The following SPDYA variants were observed in gnomAD, a reference collection of about 807,000 sequenced individuals.
SPDYA encodes the protein speedy protein A.
Under a neutral mutation model 36.7 loss-of-function variants are expected in SPDYA, and 11 were observed. The ratio of observed to expected loss-of-function variants is 0.30; its 90% CI spans 0.19 to 0.50. SPDYA has a LOEUF of 0.50. Among genes scored for constraint, SPDYA ranks in the 20% least tolerant of loss-of-function variants. The pLI, the probability that SPDYA is intolerant of heterozygous loss-of-function variation, is 0.98. For synonymous variants in SPDYA, 115 were observed against 118.7 expected (o/e 0.97, Z 0.20); for missense variants, 287 against 370.9 (o/e 0.77, Z 1.86).
At chr2:28,826,109 A>G (rs1668310258) in intron 5 of SPDYA, among the ~76,000 whole-genome samples, 1 of 151,464 alleles carries the variant, frequency 6.6e-6, no homozygotes, top group African/African-American at 2.4e-5. Context: ...GGGATTTGGT[A>G]ACCTTTCTGA....
chr2:28,849,879 A>C lies in SPDYA; in HGVS notation c.880A>C (p.Lys294Gln), dbSNP rs1049677681. The C allele has an allele frequency of 3.1e-6, 5 of 1,588,210 alleles. No homozygotes were observed. The highest frequency in any genetic ancestry group is 3.4e-6 in the Non-Finnish European group (4 of 1,171,082). ...CAATGACCATCAATCAAATAAAGGA[A>C]AGAAAACTAATTTCTTGAAGAAAGA... Reference protein sequence around the residue: ...VVNDHQSNKGKKTNFLKKDKS... With the variant: ...VVNDHQSNKGQKTNFLKKDKS... The change falls in exon 8 of 8, where the codon AAG (lysine) becomes CAG (glutamine). Residue 294 changes from lysine (K) to glutamine (Q), a missense_variant. Lys to Gln is a moderately conservative substitution (Grantham distance 53). Transcript: ENST00000334056.
At chr2:28,847,563 T>C (rs1032046348) in intron 7 of SPDYA, among the ~76,000 whole-genome samples, 2 of 151,886 alleles carry the variant, frequency 1.3e-5, no homozygotes, top group South Asian at 4.2e-4. Flanking sequence ...CTGGCTAACA[T>C]GGTGAAACCC....
intron 6 of SPDYA, among the ~76,000 whole-genome samples, chr2:28,837,107 G>C (rs2148100523): frequency 6.6e-6 from 1 of 152,308 alleles, no homozygotes; most frequent in Non-Finnish European, 1.5e-5. Context: ...AGTGTGTTTT[G>C]ACAGAATAAT....
At chr2:28,848,329 G>A (rs1402741336) in intron 7 of SPDYA, among the ~76,000 whole-genome samples, 4 of 152,046 alleles carry the variant, frequency 2.6e-5, no homozygotes, top group East Asian at 1.9e-4. Context: ...ATTCCTTCAC[G>A]GGCATATGAG....
At chr2:28,846,016 T>C (rs13382966) in intron 7 of SPDYA, among the ~76,000 whole-genome samples, 63,233 of 152,052 alleles carry the variant, frequency 0.42, 13,992 homozygotes, top group Middle Eastern at 0.51. Context: ...TCTGAAAATA[T>C]GAAGTTCAAA....
At chr2:28,833,049 C>T (rs896786592) in intron 6 of SPDYA, among the ~76,000 whole-genome samples, 9 of 152,120 alleles carry the variant, frequency 5.9e-5, no homozygotes, top group South Asian at 4.2e-4. Context: ...TTGCCCAGGC[C>T]GGTCTCAAAA....
intron 7 of SPDYA, among the ~76,000 whole-genome samples, chr2:28,843,980 T>C (rs1431316261): frequency 3.3e-5 from 5 of 151,972 alleles, no homozygotes; most frequent in Admixed American, 2.6e-4. Flanking sequence ...GAAAAAAAAA[T>C]ATGCCAAGCT....
intron 6 of SPDYA, among the ~76,000 whole-genome samples, chr2:28,832,838 C>T (rs923272558): frequency 3.6e-5 from 5 of 139,562 alleles, no homozygotes; most frequent in African/African-American, 1.1e-4. Flanking sequence ...CTCTCCCACC[C>T]CCACCTTTTT....
chr2:28,850,523 T>C lies in SPDYA; in HGVS notation c.*582T>C, dbSNP rs1669040236. On this transcript the variant is annotated 3_prime_UTR_variant, in exon 8 of 8. Coordinates refer to ENST00000334056, the MANE Select transcript of SPDYA (RefSeq NM_182756.4). ...TAAGTTTTTTCTTTATTTATTTCCT[T>C]GCATATGTTTTAGAGCTACTCTGCC... The C allele has an allele frequency of 1.5e-6, 1 of 676,420 alleles. No individual in the cohort carries two copies. The highest frequency in any genetic ancestry group is 2.5e-6 in the Non-Finnish European group (1 of 405,858). 41.9% of individuals were successfully genotyped at this position (676,420 alleles called of 1,614,324 possible).
chr2:28,811,700 T>C lies in SPDYA; in HGVS notation c.-93+753T>C, dbSNP rs899080675. On this transcript the variant is annotated intron_variant, in intron 1 of 7. Coordinates refer to ENST00000334056, the MANE Select transcript of SPDYA (RefSeq NM_182756.4). The surrounding 1 kb of genome is among the most constrained non-coding windows in gnomAD (Gnocchi z 4.2). ...AACCGGGCATGGTGGTGCGCACTTG[T>C]AATCCCAGCTACTTGGGAGGCTGAG... Among the ~76,000 whole-genome samples the C allele has an allele frequency of 1.3e-5, 2 of 152,068 alleles. No homozygotes were observed. Among genetic ancestry groups the C allele is most frequent in the Non-Finnish European group, 2.9e-5 (2 of 68,028 alleles).
intron 2 of SPDYA, among the ~76,000 whole-genome samples, chr2:28,814,897 T>C (rs1246119634): frequency 6.6e-6 from 1 of 152,006 alleles, no homozygotes; most frequent in Non-Finnish European, 1.5e-5. Context: ...ATAGATTAAC[T>C]GTCTCAGATT....
chr2:28,846,533 C>A (rs1668879778), intron 7 of SPDYA, among the ~76,000 whole-genome samples: 1 of 152,088 alleles, frequency 6.6e-6, no homozygotes, highest in Non-Finnish European at 1.5e-5. Flanking sequence ...TTCGGTCAGT[C>A]TCAAATCTTT....
intron 6 of SPDYA, among the ~76,000 whole-genome samples, chr2:28,831,475 A>G (rs994763138): frequency 6.6e-6 from 1 of 152,244 alleles, no homozygotes; most frequent in Non-Finnish European, 1.5e-5. Flanking sequence ...ATAATTTTAA[A>G]ATTTAGCAAC....
chr2:28,823,144 A>G (rs553766716), intron 5 of SPDYA, among the ~76,000 whole-genome samples: 1 of 152,246 alleles, frequency 6.6e-6, no homozygotes, highest in Non-Finnish European at 1.5e-5. Context: ...TATCTATAAC[A>G]TAGTCATTAT....
Position 28,850,057 on chromosome 2 carries a change from G to A in SPDYA, c.*116G>A. 1 of 1,159,324 alleles carries A rather than the reference G, an allele frequency of 8.6e-7. No homozygotes were observed. The highest frequency in any genetic ancestry group is 1.4e-5 in the South Asian group (1 of 72,572). 71.8% of individuals were successfully genotyped at this position (1,159,324 alleles called of 1,614,324 possible). A position where few individuals can be genotyped will look rare whatever the true frequency, so the allele number is the denominator to read the frequency against. The stretch of plus-strand genomic sequence containing the variant: ...TTGCTATGTTATACATCTTTTAGTT[G>A]TTATTTTCAAAATTATATGTATAAG... On this transcript the variant is annotated 3_prime_UTR_variant, in exon 8 of 8. Coordinates refer to ENST00000334056, the MANE Select transcript of SPDYA (RefSeq NM_182756.4).
At position 28,838,013 on chromosome 2, in the gene SPDYA, A is replaced by C. The variant is rs142180769; in HGVS notation, c.553-2159A>C. Among the ~76,000 whole-genome samples, 270 of 152,080 alleles carry C rather than the reference A, an allele frequency of 1.8e-3. 1 individual carries two copies. Among genetic ancestry groups the C allele is most frequent in the Non-Finnish European group, 2.4e-3 (160 of 67,966 alleles). On this transcript the variant is annotated intron_variant, in intron 6 of 7. Transcript: ENST00000334056. ...AATGACAAAAGAATAAGATAAAGTA[A>C]AAAAGGGGGATGTTTCTAGTACATC...
intron 1 of SPDYA, among the ~76,000 whole-genome samples, chr2:28,814,348 GAAA>G (rs368865360): frequency 4.6e-5 from 7 of 151,802 alleles, no homozygotes; most frequent in Non-Finnish European, 8.8e-5. Flanking sequence ...ACAAAAAAAA[GAAA>G]AAAAGATTGA....
intron 4 of SPDYA, among the ~76,000 whole-genome samples, chr2:28,819,881 T>C (rs181198122): frequency 2.1e-5 from 1 of 48,046 alleles, no homozygotes; most frequent in Non-Finnish European, 4.2e-5. Context: ...TATATATATA[T>C]ATATATATAT....
At chr2:28,845,577 G>C (rs186931786) in intron 7 of SPDYA, among the ~76,000 whole-genome samples, 6 of 152,012 alleles carry the variant, frequency 3.9e-5, no homozygotes, top group Admixed American at 2.0e-4. Context: ...ATGGAGTTTT[G>C]CTTGTTGCCC....
Sources: allele counts gnomAD v4.1 joint callset (sites outside exome capture counted in the v4.1 genomes callset), GRCh38; gene constraint gnomAD v4.1.1; non-coding constraint Gnocchi (gnomAD v3.1); transcripts MANE v1.5; gene names NCBI Gene and HGNC (gene_info 2026-07-23, HGNC 2026-07-21).